The following TMEM41B variants were observed in gnomAD, a reference collection of about 807,000 sequenced individuals.
TMEM41B encodes protein stasimon.
In TMEM41B, 18 loss-of-function variants were observed where a neutral mutation model predicts 31.9. The observed-to-expected ratio is 0.56, with a 90% confidence interval of 0.39 to 0.84. The LOEUF (loss-of-function observed/expected upper bound fraction) is 0.84, where lower values mean the gene tolerates loss of function less well. TMEM41B is among the 40% of genes least tolerant of loss of function. TMEM41B has a pLI of 0.00. For synonymous variants in TMEM41B, 144 were observed against 124.3 expected (o/e 1.16, Z -1.05); for missense variants, 322 against 348.0 (o/e 0.93, Z 0.59).
At chr11:9,311,442 G>A (rs1371515880) in intron 1 of TMEM41B, 26 of 1,405,620 alleles carry the variant, frequency 1.8e-5, no homozygotes, top group Non-Finnish European at 2.1e-5. Context: ...AGGAGCAGAC[G>A]GTGGGTATGG....
chr11:9,294,180 CAAAAAAAAAAAAAAAAAAAAA>C (rs538372314), intron 3 of TMEM41B, among the ~76,000 whole-genome samples: 1 of 73,452 alleles, frequency 1.4e-5, no homozygotes, highest in African/African-American at 6.2e-5. Flanking sequence ...GAACCTGTCT[CAAAAAAAAAAAAAAAAAAAAA>C]AAAAAAAAAA....
chr11:9,291,353 G>C (rs1339944458), intron 3 of TMEM41B, among the ~76,000 whole-genome samples: 1 of 151,886 alleles, frequency 6.6e-6, no homozygotes, highest in African/African-American at 2.4e-5. Flanking sequence ...CTACACTCCA[G>C]CCTGGGAAAC....
chr11:9,309,385 T>G (rs1853494775), intron 1 of TMEM41B, among the ~76,000 whole-genome samples: 1 of 151,758 alleles, frequency 6.6e-6, no homozygotes, highest in Non-Finnish European at 1.5e-5. Context: ...TTCCAGTGGG[T>G]TTTCTGTCGT....
At position 9,284,044 on chromosome 11, in the gene TMEM41B, A is replaced by G. The variant is rs1055066118; in HGVS notation, c.707-451T>C. On this transcript the variant is annotated intron_variant, in intron 6 of 6. Transcript: ENST00000528080. ...GATGATCCGCCCACCTCAGCCTCCC[A>G]AAGTGCTGGGATTACAGGCATGAGC... Among the ~76,000 whole-genome samples, 13 of 152,090 alleles carry G rather than the reference A, an allele frequency of 8.5e-5. 1 individual carries two copies. In the South Asian group the frequency reaches 1.5e-3, roughly 17 times the overall value.
intron 1 of TMEM41B, chr11:9,311,476 G>A: frequency 2.1e-6 from 3 of 1,431,130 alleles, no homozygotes; most frequent in Non-Finnish European, 2.9e-6. Flanking sequence ...CCCGAGGATT[G>A]GCATCCTGGA....
At chr11:9,287,084 T>C (rs1288944410) in intron 5 of TMEM41B, among the ~76,000 whole-genome samples, 1 of 151,070 alleles carries the variant, frequency 6.6e-6, no homozygotes, top group Non-Finnish European at 1.5e-5. Context: ...GGCAGGTGGG[T>C]CACCTGAGGT....
At chr11:9,305,985 T>TC (rs1321321375) in intron 1 of TMEM41B, among the ~76,000 whole-genome samples, 1 of 147,286 alleles carries the variant, frequency 6.8e-6, no homozygotes, top group African/African-American at 2.5e-5. Flanking sequence ...TTTTCTTTTT[T>TC]TTTTTTTTTT....
Position 9,282,253 on chromosome 11 carries a change from CTGT to C in TMEM41B, c.*1168_*1170del, listed in dbSNP as rs2133604145. The stretch of plus-strand genomic sequence containing the variant: ...ATTAGCTGGGCACGGTGGCACACAC[CTGT>C]AATCCCAGCTACTCAGGAGGCTGGG... On this transcript the variant is annotated 3_prime_UTR_variant, in exon 7 of 7. Transcript: ENST00000528080. The C allele has an allele frequency of 6.6e-6, 1 of 152,146 alleles. No homozygotes were observed. Among genetic ancestry groups the C allele is most frequent in the East Asian group, 1.9e-4 (1 of 5,158 alleles). The allele number at this position is 152,146 out of a possible 1,614,324, so 9.4% of individuals were successfully genotyped here. A position where few individuals can be genotyped will look rare whatever the true frequency, so the allele number is the denominator to read the frequency against.
At chr11:9,313,905 CCTAA>C (rs1179864884) in intron 1 of TMEM41B, among the ~76,000 whole-genome samples, 1 of 152,116 alleles carries the variant, frequency 6.6e-6, no homozygotes, top group Non-Finnish European at 1.5e-5. Flanking sequence ...AGTCCTCGCT[CCTAA>C]CTACTACTTC....
At chr11:9,307,909 C>G (rs753514358) in intron 1 of TMEM41B, among the ~76,000 whole-genome samples, 1 of 151,928 alleles carries the variant, frequency 6.6e-6, no homozygotes, top group Non-Finnish European at 1.5e-5. Flanking sequence ...CCACCTCTCC[C>G]GGCTAATTTT....
In TMEM41B at chr11:9,282,410, T is replaced by C. The variant is rs1353236604; in HGVS notation, c.*1014A>G. On this transcript the variant is annotated 3_prime_UTR_variant, in exon 7 of 7. Coordinates refer to ENST00000528080, the MANE Select transcript of TMEM41B (RefSeq NM_015012.4). ...AAAAAAAAATTATCAATACCAAATA[T>C]GATACAGTTATGTAATACCCATTTT... 6.6e-6 allele frequency: 1 copy of C among 151,530 alleles called. No homozygotes were observed. Among genetic ancestry groups the C allele is most frequent in the Non-Finnish European group, 1.5e-5 (1 of 67,908 alleles). 9.4% of individuals were successfully genotyped at this position (151,530 alleles called of 1,614,324 possible). A position where few individuals can be genotyped will look rare whatever the true frequency, so the allele number is the denominator to read the frequency against.
chr11:9,293,717 G>GA (rs765596281), intron 3 of TMEM41B, among the ~76,000 whole-genome samples: 3 of 151,980 alleles, frequency 2.0e-5, no homozygotes, highest in East Asian at 1.9e-4. Context: ...GAGTAGTTGG[G>GA]ATTACAGGCA....
chr11:9,296,086 AC>A (rs1274589843), intron 2 of TMEM41B, among the ~76,000 whole-genome samples: 1 of 141,188 alleles, frequency 7.1e-6, no homozygotes, highest in African/African-American at 2.6e-5. Context: ...CAAATTCCTG[AC>A]CTTAGGTGAT....
In TMEM41B at chr11:9,308,639, T is replaced by G. The variant is rs563519114; in HGVS notation, c.121+5682A>C. ...ATGGTTTAGCACAAATACAGAAAAA[T>G]CACTGAGTGATCCATCACAGAAATC... On this transcript the variant is annotated intron_variant, in intron 1 of 6. Transcript: ENST00000528080. Among the ~76,000 whole-genome samples, 191 of 152,278 alleles carry G rather than the reference T, an allele frequency of 1.3e-3. 1 individual carries two copies. The highest frequency in any genetic ancestry group is 4.1e-3 in the South Asian group (20 of 4,826).
rs768646505 is a variant in TMEM41B, at chr11:9,287,635, A to G, written c.567+67T>C. ...GTTAATACATGTAGTTAATTCATGTAGGGACTAAACACAGACCTTCCAATT... is the reference window on the plus strand; with the variant it reads ...GTTAATACATGTAGTTAATTCATGTGGGGACTAAACACAGACCTTCCAATT... On this transcript the variant is annotated intron_variant, in intron 5 of 6. Coordinates refer to ENST00000528080, the MANE Select transcript of TMEM41B (RefSeq NM_015012.4). 239 of 1,058,202 alleles carry G rather than the reference A, an allele frequency of 2.3e-4. 1 individual carries two copies. Among genetic ancestry groups the G allele is most frequent in the Middle Eastern group, 4.3e-4 (2 of 4,640 alleles). The allele number at this position is 1,058,202 out of a possible 1,614,324, so 65.6% of individuals were successfully genotyped here.
chr11:9,305,588 T>G (rs200817389), intron 1 of TMEM41B, among the ~76,000 whole-genome samples: 2 of 145,068 alleles, frequency 1.4e-5, no homozygotes, highest in African/African-American at 5.7e-5. Flanking sequence ...CAACAGATAT[T>G]AATTATAGAT....
In TMEM41B at chr11:9,299,288, A is replaced by AAT. The variant is rs1260577552; in HGVS notation, c.239+295_239+296insAT. ...ACAGGGCAAGACTCTGTCTCAAAAAAAAAAAAAAAAAAAAAAAGAAAGTAT... is the reference window on the plus strand; with the variant it reads ...ACAGGGCAAGACTCTGTCTCAAAAAAATAAAAAAAAAAAAAAAAAGAAAGTAT... On this transcript the variant is annotated intron_variant, in intron 2 of 6. Coordinates refer to ENST00000528080, the MANE Select transcript of TMEM41B (RefSeq NM_015012.4). Among the ~76,000 whole-genome samples, 3 of 125,232 alleles carry AAT rather than the reference A, an allele frequency of 2.4e-5. No individual in the cohort carries two copies. The Admixed American group carries it at 2.6e-4, about 11-fold the overall frequency. 82.2% of individuals were successfully genotyped at this position (125,232 alleles called of 152,430 possible).
intron 3 of TMEM41B, among the ~76,000 whole-genome samples, chr11:9,294,667 T>C (rs1853042609): frequency 6.6e-6 from 1 of 152,106 alleles, no homozygotes; most frequent in South Asian, 2.1e-4. Flanking sequence ...CACCCACAGC[T>C]AAGCAGTTTG....
rs1853629283 is a variant in TMEM41B at position 9,314,141 on chromosome 11, G to A, written c.121+180C>T. Among the ~76,000 whole-genome samples the A allele has an allele frequency of 2.0e-5, 3 of 152,194 alleles. No homozygotes were observed. In the South Asian group the frequency reaches 6.2e-4, roughly 32 times the overall value. On this transcript the variant is annotated intron_variant, in intron 1 of 6. Transcript: ENST00000528080. ...AGCATTTACAACGCACCTACTCGGC[G>A]TCCGGCCTTGTGCTGCGCGAGCGCC...
Sources: allele counts gnomAD v4.1 joint callset (sites outside exome capture counted in the v4.1 genomes callset), GRCh38; gene constraint gnomAD v4.1.1; transcripts MANE v1.5; gene names NCBI Gene and HGNC (gene_info 2026-07-23, HGNC 2026-07-21).